SMIM7: variants seen among roughly 807,000 people sequenced by gnomAD.
SMIM7 encodes small integral membrane protein 7, also known as UPF0608 protein C19orf42.
In SMIM7, 12 loss-of-function variants were observed where a neutral mutation model predicts 13.3. That is an observed-to-expected ratio of 0.90 (90% CI 0.58 to 1.46). The LOEUF is 1.46. Ranked by LOEUF, SMIM7 falls within the 40% of genes most tolerant of loss-of-function variation. SMIM7 has a pLI of 0.00. For missense variants in SMIM7, 114 were observed against 94.8 expected (o/e 1.20, Z -0.84); for synonymous variants, 36 against 35.8 (o/e 1.01, Z -0.02).
At chr19:16,655,424 T>C (rs148224869) in intron 3 of SMIM7, 2 of 455,286 alleles carry the variant, frequency 4.4e-6, no homozygotes, top group Non-Finnish European at 8.8e-6. Context: ...CTCACACTTG[T>C]AATCCCAGCA....
At chr19:16,650,335 CTAAA>C (rs1380950201) in intron 4 of SMIM7, among the ~76,000 whole-genome samples, 2 of 152,196 alleles carry the variant, frequency 1.3e-5, no homozygotes, top group African/African-American at 4.8e-5. Flanking sequence ...CTACTGATCC[CTAAA>C]TACTCAGGGA....
intron 3 of SMIM7, 90 bp downstream of exon 3, chr19:16,659,305 G>C (rs935939484): frequency 4.4e-6 from 3 of 686,240 alleles, no homozygotes; most frequent in East Asian, 3.2e-5. Context: ...AAAAAAAAAA[G>C]AGAAAGAAAG....
chr19:16,660,041 T>G (rs2086657115), intron 1 of SMIM7, 41 bp from the exon 2 acceptor site: 8 of 1,614,106 alleles, frequency 5.0e-6, no homozygotes, highest in Non-Finnish European at 6.8e-6. Context: ...CGCCCCCGCG[T>G]CCTGCCTGGC....
intron 3 of SMIM7, among the ~76,000 whole-genome samples, chr19:16,654,737 C>A (rs762247272): frequency 3.3e-5 from 5 of 151,608 alleles, no homozygotes; most frequent in Non-Finnish European, 7.4e-5. Flanking sequence ...ACAAAAATTA[C>A]AAGAAATTCA....
At chr19:16,642,295 T>A, downstream of SMIM7, among the ~76,000 whole-genome samples, 1 of 152,218 alleles carries the variant, frequency 6.6e-6, no homozygotes, top group Admixed American at 6.5e-5. Context: ...CGGTGGCTCA[T>A]GCCTGTAATC....
intron 2 of SMIM7, 135 bp downstream of exon 2, chr19:16,659,824 G>A: frequency 1.7e-6 from 2 of 1,170,668 alleles, no homozygotes; most frequent in African/African-American, 1.5e-5. Context: ...CCAGGCTGGA[G>A]GCGTGCCCAG....
intron 3 of SMIM7, among the ~76,000 whole-genome samples, chr19:16,658,130 A>C (rs950748860): frequency 6.6e-6 from 1 of 152,018 alleles, no homozygotes; most frequent in Non-Finnish European, 1.5e-5. Context: ...CGCCTCCTCA[A>C]ATGGCCTTCC....
At chr19:16,660,029 G>A (rs1226341670) in intron 1 of SMIM7, 29 bp from the exon 2 acceptor site, 2 of 1,614,042 alleles carry the variant, frequency 1.2e-6, no homozygotes, top group African/African-American at 1.3e-5. Context: ...AGTTACTAGG[G>A]GCGCCCCCGC....
At chr19:16,655,410 G>A (rs1431825971) in intron 3 of SMIM7, 5 of 455,472 alleles carry the variant, frequency 1.1e-5, no homozygotes, top group Non-Finnish European at 2.2e-5. Flanking sequence ...GCCAGGCATG[G>A]TGGCTCACAC....
At position 16,654,825 on chromosome 19, in the gene SMIM7, GTAC is replaced by G. The variant is rs2086575621; in HGVS notation, c.122-703_122-701del. Among the ~76,000 whole-genome samples, 3 of 152,110 alleles carry G rather than the reference GTAC, an allele frequency of 2.0e-5. No homozygotes were observed. The South Asian group carries it at 6.2e-4, about 32-fold the overall frequency. On this transcript the variant is annotated intron_variant, in intron 3 of 4. Transcript: ENST00000487416. ...TTACATATCATGTCCTGCTGCTTTT[GTAC>G]TACAACAGCAGAGCTGAGTCACATT...
downstream of SMIM7, chr19:16,640,730 C>A (rs932475780): frequency 2.6e-5 from 4 of 152,126 alleles, no homozygotes; most frequent in Non-Finnish European, 4.4e-5. Context: ...GTCAGGAGTT[C>A]GAGACCAGCC....
intron 3 of SMIM7, among the ~76,000 whole-genome samples, chr19:16,658,758 C>T (rs999439181): frequency 4.6e-5 from 7 of 152,036 alleles, no homozygotes; most frequent in African/African-American, 1.7e-4. Context: ...CATCGGAGGA[C>T]GGGTACGGCA....
intron 4 of SMIM7, chr19:16,634,179 T>A (rs545117431): frequency 2.7e-4 from 41 of 152,324 alleles, no homozygotes; most frequent in Non-Finnish European, 5.7e-4. Flanking sequence ...CCCAGTTTTA[T>A]ATCATTATTC....
intron 4 of SMIM7, among the ~76,000 whole-genome samples, chr19:16,650,052 G>A (rs978544721): frequency 6.6e-6 from 1 of 152,142 alleles, no homozygotes; most frequent in African/African-American, 2.4e-5. Flanking sequence ...TAGAGATAGC[G>A]GCTGCATAAT....
chr19:16,647,383 AT>A, intron 4 of SMIM7, 122 bp from the exon 5 acceptor site: 2 of 1,212,280 alleles, frequency 1.6e-6, no homozygotes, highest in Non-Finnish European at 2.4e-6. Context: ...TGATTGTCTG[AT>A]TTTTTAAAGT....
chr19:16,652,429 T>TG (rs2086538879), intron 4 of SMIM7: 1 of 558,288 alleles, frequency 1.8e-6, no homozygotes. Flanking sequence ...CTTGAACTCC[T>TG]GGGCTCAAGC....
intron 4 of SMIM7, among the ~76,000 whole-genome samples, chr19:16,648,998 G>A (rs1195634052): frequency 1.3e-5 from 2 of 152,118 alleles, no homozygotes; most frequent in Non-Finnish European, 2.9e-5. Flanking sequence ...TCCAGCCTGC[G>A]CAACAGAGTG....
Position 16,639,206 on chromosome 19 carries a change from C to T in SMIM7, c.*138-7482G>A, listed in dbSNP as rs1255793524. The stretch of plus-strand genomic sequence containing the variant: ...GCGTGATCTCGGCTCACTGCAAGCT[C>T]CGCCCCCCCAGGTTCACGCCATTCT... On this transcript the variant is annotated intron_variant and NMD_transcript_variant, in intron 4 of 4. Transcript: ENST00000465250. Among the ~76,000 whole-genome samples the T allele has an allele frequency of 4.0e-5, 6 of 150,480 alleles. No homozygotes were observed. In the East Asian group the frequency reaches 9.8e-4, roughly 25 times the overall value.
intron 4 of SMIM7, among the ~76,000 whole-genome samples, chr19:16,631,891 G>A (rs1244317352): frequency 1.1e-5 from 1 of 90,334 alleles, no homozygotes; most frequent in Non-Finnish European, 2.1e-5. Flanking sequence ...TTTTTTTTTC[G>A]AGAGAGTCTC....
Sources: gnomAD v4.1 joint callset for allele counts (sites outside exome capture counted in the v4.1 genomes callset) on GRCh38, gnomAD v4.1.1 for gene constraint, MANE v1.5 for transcripts, NCBI Gene and HGNC (gene_info 2026-07-23, HGNC 2026-07-21) for gene names.